The following PARD3B variants were observed in gnomAD, a reference collection of about 807,000 sequenced individuals.
PARD3B encodes the protein par-3 family cell polarity regulator beta.
A neutral mutation model predicts 130.2 loss-of-function variants in PARD3B; 103 were observed. The observed-to-expected ratio is 0.79, with a 90% CI of 0.67 to 0.93. PARD3B has a LOEUF of 0.93. PARD3B is among the 40% of genes least tolerant of loss of function. PARD3B has a pLI of 0.00. For missense variants in PARD3B, 1,609 were observed against 1,499.2 expected (o/e 1.07, Z -1.21); for synonymous variants, 583 against 553.2 (o/e 1.05, Z -0.76).
rs146517877 is a variant in PARD3B, at chr2:204,581,136, C to G, written c.120+35017C>G. On this transcript the variant is annotated intron_variant, in intron 1 of 22. Transcript: ENST00000406610. ...AGGCATGAAGCACAAGAAGTCTAAC[C>G]CATTTTAAACTGATTAATTTAATTA... is the stretch of plus-strand genomic sequence containing the variant. Among the ~76,000 whole-genome samples, 513 of 152,180 alleles carry G rather than the reference C, an allele frequency of 3.4e-3. 4 individuals carry two copies. The highest frequency in any genetic ancestry group is 0.011 in the African/African-American group (463 of 41,510).
chr2:205,489,929 T>G (rs976059545), intron 20 of PARD3B, among the ~76,000 whole-genome samples: 1 of 152,090 alleles, frequency 6.6e-6, no homozygotes, highest in African/African-American at 2.4e-5. Context: ...GAGCAATGCC[T>G]TTTATCAGAA....
chr2:205,448,954 G>T (rs2048002260), intron 20 of PARD3B, among the ~76,000 whole-genome samples: 1 of 151,914 alleles, frequency 6.6e-6, no homozygotes, highest in Admixed American at 6.5e-5. Flanking sequence ...ATCACCTGAG[G>T]TCAGGAGTTC....
chr2:205,061,089 G>T (rs764834043), intron 4 of PARD3B, among the ~76,000 whole-genome samples: 10 of 152,120 alleles, frequency 6.6e-5, no homozygotes, highest in Admixed American at 1.3e-4. Context: ...GTACCTTACT[G>T]GAAGCTGGGC....
rs2036190233 is a variant in PARD3B at position 204,669,583 on chromosome 2, A to G, written c.121-16598A>G. The stretch of plus-strand genomic sequence containing the variant: ...ATTGGCATTGTTAGGAATGACAAAT[A>G]GTCATTTCCTATTTGGTTTATCAGG... On this transcript the variant is annotated intron_variant, in intron 1 of 22. Coordinates refer to ENST00000406610, the MANE Select transcript of PARD3B (RefSeq NM_001302769.2). This position sits in a 1 kb window ranked among gnomAD's most constrained non-coding sequence, Gnocchi z 4.3. Among the ~76,000 whole-genome samples, 1 of 152,180 alleles carries G rather than the reference A, an allele frequency of 6.6e-6. No individual in the cohort carries two copies. The highest frequency in any genetic ancestry group is 1.5e-5 in the Non-Finnish European group (1 of 68,022).
intron 1 of PARD3B, among the ~76,000 whole-genome samples, chr2:204,590,467 A>G (rs1174617102): frequency 6.6e-6 from 1 of 152,156 alleles, no homozygotes; most frequent in East Asian, 1.9e-4. Flanking sequence ...ACTCTCCTTT[A>G]TTGTTGATGT....
intron 2 of PARD3B, among the ~76,000 whole-genome samples, chr2:204,783,847 C>G (rs920612332): frequency 1.1e-4 from 16 of 152,044 alleles, no homozygotes; most frequent in African/African-American, 3.4e-4. Context: ...TAGAGCTTTT[C>G]CTTGCTAAAT....
intron 2 of PARD3B, among the ~76,000 whole-genome samples, chr2:204,715,830 G>A (rs1162071572): frequency 6.6e-6 from 1 of 152,074 alleles, no homozygotes; most frequent in Non-Finnish European, 1.5e-5. Flanking sequence ...CATCCTTTGA[G>A]CTGCCATTCT....
intron 19 of PARD3B, among the ~76,000 whole-genome samples, chr2:205,416,704 T>C (rs566158972): frequency 6.6e-6 from 1 of 152,066 alleles, no homozygotes. Context: ...TATGGAAGAT[T>C]GATGCATTAA....
At chr2:205,350,451 A>T (rs2043957595) in intron 18 of PARD3B, among the ~76,000 whole-genome samples, 1 of 152,166 alleles carries the variant, frequency 6.6e-6, no homozygotes. Flanking sequence ...TGAGGCACTG[A>T]TTGCATGAAA....
chr2:204,570,786 A>G (rs948755201), intron 1 of PARD3B, among the ~76,000 whole-genome samples: 6 of 149,888 alleles, frequency 4.0e-5, no homozygotes, highest in Admixed American at 2.7e-4. Context: ...TGAGGTGTAT[A>G]AGCTGTTGTA....
chr2:204,562,386 C>T (rs1205007773), intron 1 of PARD3B, among the ~76,000 whole-genome samples: 5 of 152,134 alleles, frequency 3.3e-5, no homozygotes, highest in African/African-American at 7.2e-5. Context: ...ACTTAAACTC[C>T]TAAAATCAAA....
At chr2:204,551,300 G>T (rs1220043198) in intron 1 of PARD3B, among the ~76,000 whole-genome samples, 1 of 152,194 alleles carries the variant, frequency 6.6e-6, no homozygotes, top group Non-Finnish European at 1.5e-5. Context: ...CTCTGACAAT[G>T]CTGGGCTTTA....
intron 20 of PARD3B, among the ~76,000 whole-genome samples, chr2:205,449,166 CAAAAAAAA>C (rs757916003): frequency 4.0e-5 from 2 of 50,242 alleles, no homozygotes; most frequent in East Asian, 6.1e-4. Context: ...AACTCCATCT[CAAAAAAAA>C]AAAAAAAAAA....
intron 1 of PARD3B, among the ~76,000 whole-genome samples, chr2:204,615,105 A>T (rs759217697): frequency 1.6e-4 from 24 of 152,272 alleles, no homozygotes; most frequent in African/African-American, 5.5e-4. Context: ...TTAGCGTTCA[A>T]TCTTTTTTTA....
rs2036196524 is a variant in PARD3B at position 204,669,653 on chromosome 2, G to C, written c.121-16528G>C. Among the ~76,000 whole-genome samples the C allele has an allele frequency of 6.6e-6, 1 of 151,980 alleles. No homozygotes were observed. The highest frequency in any genetic ancestry group is 1.5e-5 in the Non-Finnish European group (1 of 67,998). The stretch of plus-strand genomic sequence containing the variant: ...GCAATAAATGTCCATACTGTCTATT[G>C]GTTTTCAACTTTTGGAATCAAATTA... On this transcript the variant is annotated intron_variant, in intron 1 of 22. Coordinates refer to ENST00000406610, the MANE Select transcript of PARD3B (RefSeq NM_001302769.2). The surrounding 1 kb of genome is among the most constrained non-coding windows in gnomAD (Gnocchi z 4.3).
intron 1 of PARD3B, among the ~76,000 whole-genome samples, chr2:204,561,594 A>ATTTTTT (rs549784375): frequency 1.6e-5 from 2 of 124,990 alleles, no homozygotes; most frequent in African/African-American, 5.9e-5. Context: ...TCTCCCTTGT[A>ATTTTTT]TTTTTTTTTT....
intron 1 of PARD3B, among the ~76,000 whole-genome samples, chr2:204,627,041 A>AT (rs2034511555): frequency 6.6e-6 from 1 of 152,026 alleles, no homozygotes; most frequent in Non-Finnish European, 1.5e-5. Context: ...TTCTCATGAG[A>AT]TGTGGTGGTT....
chr2:205,513,142 A>G (rs2050656274), intron 21 of PARD3B, among the ~76,000 whole-genome samples: 1 of 152,088 alleles, frequency 6.6e-6, no homozygotes, highest in African/African-American at 2.4e-5. Flanking sequence ...ATTTCAGAGG[A>G]GGAAATCGTG....
intron 20 of PARD3B, among the ~76,000 whole-genome samples, chr2:205,468,211 T>C (rs150346118): frequency 1.1e-3 from 166 of 152,342 alleles, no homozygotes; most frequent in African/African-American, 3.9e-3. Flanking sequence ...ACAGAAGGCT[T>C]CGACAACAAC....
Sources: allele counts gnomAD v4.1 joint callset (sites outside exome capture counted in the v4.1 genomes callset), GRCh38; gene constraint gnomAD v4.1.1; non-coding constraint Gnocchi (gnomAD v3.1); transcripts MANE v1.5; gene names NCBI Gene and HGNC (gene_info 2026-07-23, HGNC 2026-07-21).